Variants in RALGPS2 observed in about 807,000 individuals in gnomAD.
RALGPS2 encodes the protein Ral GEF with PH domain and SH3 binding motif 2.
Under a neutral mutation model 86.8 loss-of-function variants are expected in RALGPS2, and 43 were observed. The observed-to-expected ratio is 0.50, with a 90% CI of 0.39 to 0.64. The LOEUF (loss-of-function observed/expected upper bound fraction) is 0.64. RALGPS2 is among the 30% of genes least tolerant of loss of function. The pLI, the probability that RALGPS2 is intolerant of heterozygous loss-of-function variation, is 0.00. For synonymous variants in RALGPS2, 243 were observed against 231.3 expected (o/e 1.05, Z -0.46); for missense variants, 536 against 694.6 (o/e 0.77, Z 2.57).
At chr1:178,785,372 A>G (rs1653601050) in intron 3 of RALGPS2, among the ~76,000 whole-genome samples, 185 bp from the exon 4 acceptor site, 1 of 151,958 alleles carries the variant, frequency 6.6e-6, no homozygotes, top group African/African-American at 2.4e-5. Context: ...AGAAAATATA[A>G]ATAGACATGA....
At chr1:178,838,055 C>T (rs528988174) in intron 8 of RALGPS2, among the ~76,000 whole-genome samples, 7 of 152,322 alleles carry the variant, frequency 4.6e-5, no homozygotes, top group African/African-American at 1.4e-4. Context: ...TGGAGCCCAC[C>T]GCAGCTCAAG....
At chr1:178,904,163 G>C (rs1394797792) in intron 18 of RALGPS2, among the ~76,000 whole-genome samples, 1 of 151,918 alleles carries the variant, frequency 6.6e-6, no homozygotes, top group East Asian at 1.9e-4. Context: ...TTTGAGAATT[G>C]TCTATTCATA....
intron 4 of RALGPS2, among the ~76,000 whole-genome samples, chr1:178,799,732 A>G (rs1207977879): frequency 6.6e-6 from 1 of 152,188 alleles, no homozygotes; most frequent in Non-Finnish European, 1.5e-5. Context: ...CCGTGTGTTC[A>G]ACACCAAAGG....
Position 178,888,538 on chromosome 1 carries a change from A to T in RALGPS2, c.1193-1104A>T, listed in dbSNP as rs192170465. Among the ~76,000 whole-genome samples the T allele has an allele frequency of 6.7e-3, 1,015 of 152,242 alleles. 8 individuals carry two copies. The highest frequency in any genetic ancestry group is 0.023 in the African/African-American group (940 of 41,552). ...TGAGCTTCATGCTTACATTTTCTACAAATAAGTTATCCTAATTATGCTTAA... is the reference window on the plus strand; with the variant it reads ...TGAGCTTCATGCTTACATTTTCTACTAATAAGTTATCCTAATTATGCTTAA... On this transcript the variant is annotated intron_variant, in intron 13 of 19. Coordinates refer to ENST00000367635, the MANE Select transcript of RALGPS2 (RefSeq NM_152663.5).
intron 7 of RALGPS2, among the ~76,000 whole-genome samples, chr1:178,829,819 A>G (rs763658315): frequency 8.5e-5 from 13 of 152,050 alleles, no homozygotes; most frequent in Non-Finnish European, 1.8e-4. Context: ...ATCTTGGCTC[A>G]CTGCAATCTC....
At chr1:178,879,080 A>C in intron 10 of RALGPS2, 88 bp downstream of exon 10, 1 of 1,512,834 alleles carries the variant, frequency 6.6e-7, no homozygotes, top group Non-Finnish European at 8.8e-7. Context: ...TAAATCCTAC[A>C]TGGTATCATA....
chr1:178,775,796 G>T (rs1653050384), intron 1 of RALGPS2, among the ~76,000 whole-genome samples: 2 of 151,436 alleles, frequency 1.3e-5, no homozygotes, highest in Admixed American at 1.3e-4. Context: ...ATGTATTAAA[G>T]ATATTTAATA....
intron 1 of RALGPS2, among the ~76,000 whole-genome samples, chr1:178,736,875 C>CTG (rs1650741998): frequency 6.6e-6 from 1 of 152,016 alleles, no homozygotes; most frequent in Admixed American, 6.6e-5. Context: ...CCAGCCTGGG[C>CTG]AACAGAAGGA....
At chr1:178,891,545 C>T (rs957648863) in intron 14 of RALGPS2, among the ~76,000 whole-genome samples, 2 of 151,954 alleles carry the variant, frequency 1.3e-5, no homozygotes. Context: ...CATTTATCAA[C>T]AGTGCTTTCG....
Position 178,843,654 on chromosome 1 carries a change from T to TAA in RALGPS2, c.607+10116_607+10117dup, listed in dbSNP as rs564673535. 3.5e-3 allele frequency among the ~76,000 whole-genome samples: 403 copies of TAA among 115,370 alleles called. 1 individual carries two copies. Among genetic ancestry groups the TAA allele is most frequent in the African/African-American group, 0.012 (392 of 32,214 alleles). The allele number at this position is 115,370 out of a possible 152,430, so 75.7% of individuals were successfully genotyped here. ...TGTACCCTAAAACTTAAAGTATAATTAAAAAAAAAAAAAGAAAGAAAGAAA... is the reference window on the plus strand; with the variant it reads ...TGTACCCTAAAACTTAAAGTATAATTAAAAAAAAAAAAAAAGAAAGAAAGAAA... On this transcript the variant is annotated intron_variant, in intron 8 of 19. Transcript: ENST00000367635.
chr1:178,886,652 G>T (rs1016878258), intron 13 of RALGPS2, among the ~76,000 whole-genome samples: 1 of 152,118 alleles, frequency 6.6e-6, no homozygotes, highest in Non-Finnish European at 1.5e-5. Context: ...ATATTTATAA[G>T]CCATGATTGG....
At chr1:178,846,996 A>T (rs1489501548) in intron 8 of RALGPS2, among the ~76,000 whole-genome samples, 4 of 152,238 alleles carry the variant, frequency 2.6e-5, no homozygotes, top group Non-Finnish European at 5.9e-5. Flanking sequence ...GACTTGCTGT[A>T]AAGATACGTA....
chr1:178,768,404 G>A (rs924683182), intron 1 of RALGPS2, among the ~76,000 whole-genome samples: 2 of 152,094 alleles, frequency 1.3e-5, no homozygotes, highest in African/African-American at 4.8e-5. Context: ...CCACTCCCTA[G>A]GGGGTGTGAC....
At chr1:178,883,671 C>G in intron 11 of RALGPS2, 138 bp downstream of exon 11, 1 of 745,128 alleles carries the variant, frequency 1.3e-6, no homozygotes, top group Non-Finnish European at 2.1e-6. Context: ...TCTGTCCTTT[C>G]TGGGTTTTTT....
rs1659643966 is a variant in RALGPS2, at chr1:178,889,778, A to G, written c.1247+82A>G. Reference sequence around the variant, plus strand: ...TATAATACAAATTTTCAGAGATAATATTTACTACATATCCCTAAGCGATTA... The same window carrying G: ...TATAATACAAATTTTCAGAGATAATGTTTACTACATATCCCTAAGCGATTA... On this transcript the variant is annotated intron_variant, in intron 14 of 19. Coordinates refer to ENST00000367635, the MANE Select transcript of RALGPS2 (RefSeq NM_152663.5). The G allele has an allele frequency of 1.4e-5, 14 of 966,914 alleles. No individual in the cohort carries two copies. In the South Asian group the frequency reaches 2.1e-4, roughly 14 times the overall value. 59.9% of individuals were successfully genotyped at this position (966,914 alleles called of 1,614,324 possible). A position where few individuals can be genotyped will look rare whatever the true frequency, so the allele number is the denominator to read the frequency against.
At chr1:178,822,912 T>C (rs1655575507) in intron 7 of RALGPS2, among the ~76,000 whole-genome samples, 1 of 152,172 alleles carries the variant, frequency 6.6e-6, no homozygotes, top group Non-Finnish European at 1.5e-5. Flanking sequence ...CCCCAACTCC[T>C]GGGCTCAGAG....
chr1:178,914,031 C>G (rs1356743723), intron 19 of RALGPS2, among the ~76,000 whole-genome samples: 1 of 152,314 alleles, frequency 6.6e-6, no homozygotes, highest in East Asian at 1.9e-4. Flanking sequence ...GGAAGCTACA[C>G]TGTGTGCCTG....
intron 1 of RALGPS2, among the ~76,000 whole-genome samples, chr1:178,726,942 AC>A (rs1203883805): frequency 6.6e-6 from 1 of 152,236 alleles, no homozygotes; most frequent in Non-Finnish European, 1.5e-5. Context: ...TATTACTCTT[AC>A]GGCTAAATAT....
At chr1:178,730,005 G>A (rs573389383) in intron 1 of RALGPS2, among the ~76,000 whole-genome samples, 10 of 152,260 alleles carry the variant, frequency 6.6e-5, no homozygotes, top group African/African-American at 2.2e-4. Flanking sequence ...GCAGTGGTGC[G>A]ATCTTGGCTC....
Sources: allele counts gnomAD v4.1 joint callset (sites outside exome capture counted in the v4.1 genomes callset), GRCh38; gene constraint gnomAD v4.1.1; transcripts MANE v1.5; gene names NCBI Gene and HGNC (gene_info 2026-07-23, HGNC 2026-07-21).